PDE4D: variants seen among roughly 807,000 people sequenced by gnomAD.
PDE4D encodes phosphodiesterase 4D.
A neutral mutation model predicts 87.4 loss-of-function variants in PDE4D; 24 were observed. That is an observed-to-expected ratio of 0.27 (90% CI 0.20 to 0.39). PDE4D has a LOEUF of 0.39. PDE4D is among the 10% of genes least tolerant of loss of function. The probability of loss-of-function intolerance (pLI) is 1.00; values close to 1 mark genes in which losing one functional copy is unlikely to be tolerated. For missense variants in PDE4D, 714 were observed against 1,041.0 expected (o/e 0.69, Z 4.32); for synonymous variants, 384 against 383.2 (o/e 1.00, Z -0.02).
At chr5:60,369,741 A>C (rs1046139360) in intron 1 of PDE4D, among the ~76,000 whole-genome samples, 8 of 152,216 alleles carry the variant, frequency 5.3e-5, no homozygotes, top group African/African-American at 1.9e-4. Context: ...GCCACACCCC[A>C]GAACAAGGCA....
At chr5:59,350,955 A>G (rs745671008) in intron 1 of PDE4D, among the ~76,000 whole-genome samples, 1 of 152,180 alleles carries the variant, frequency 6.6e-6, no homozygotes, top group Non-Finnish European at 1.5e-5. Flanking sequence ...AGTTGCTTAT[A>G]AGGTAACCAT....
At chr5:59,284,075 A>G (rs1766386688) in intron 1 of PDE4D, among the ~76,000 whole-genome samples, 2 of 152,298 alleles carry the variant, frequency 1.3e-5, no homozygotes, top group South Asian at 4.1e-4. Context: ...GATCACTTTC[A>G]GATCTTTGCA....
intron 1 of PDE4D, among the ~76,000 whole-genome samples, chr5:59,872,939 G>C (rs890055639): frequency 6.6e-6 from 1 of 151,950 alleles, no homozygotes; most frequent in African/African-American, 2.4e-5. Flanking sequence ...TAGATACAAC[G>C]AAACAATTAG....
At chr5:59,602,069 A>G (rs1827587546) in intron 1 of PDE4D, among the ~76,000 whole-genome samples, 1 of 152,110 alleles carries the variant, frequency 6.6e-6, no homozygotes, top group Non-Finnish European at 1.5e-5. Context: ...AAGACTGTTC[A>G]CCATGATCAA....
intron 3 of PDE4D, among the ~76,000 whole-genome samples, chr5:59,933,732 T>G (rs1581797510): frequency 6.6e-6 from 1 of 151,180 alleles, no homozygotes; most frequent in East Asian, 2.0e-4. Flanking sequence ...AGCTATATGA[T>G]TCTTCCCTTA....
At chr5:59,506,502 T>C (rs985656801) in intron 1 of PDE4D, among the ~76,000 whole-genome samples, 2 of 152,096 alleles carry the variant, frequency 1.3e-5, no homozygotes, top group Non-Finnish European at 2.9e-5. Context: ...CAAAGACAGG[T>C]TGGACAAATT....
chr5:59,477,591 G>A (rs1041496320), intron 1 of PDE4D, among the ~76,000 whole-genome samples: 3 of 151,920 alleles, frequency 2.0e-5, no homozygotes, highest in Admixed American at 6.6e-5. Flanking sequence ...CTGCTTATAC[G>A]CTGTTGGTGG....
chr5:60,372,146 T>TCAGTCC (rs879309170), intron 1 of PDE4D, among the ~76,000 whole-genome samples: 7,418 of 152,206 alleles, frequency 0.049, 246 homozygotes, highest in Non-Finnish European at 0.07. Context: ...GTCAGTCTTT[T>TCAGTCC]TTATTTTAGC....
chr5:59,909,847 T>G (rs1157089684), intron 3 of PDE4D, among the ~76,000 whole-genome samples: 1 of 152,180 alleles, frequency 6.6e-6, no homozygotes, highest in East Asian at 1.9e-4. Flanking sequence ...ATTCTCAGGA[T>G]AAAATCCCAA....
intron 2 of PDE4D, among the ~76,000 whole-genome samples, chr5:60,156,537 T>C (rs753068380): frequency 1.9e-4 from 29 of 152,206 alleles, no homozygotes; most frequent in Admixed American, 7.2e-4. Flanking sequence ...CCATAGTCTA[T>C]TGTATAAAAC....
intron 1 of PDE4D, among the ~76,000 whole-genome samples, chr5:60,392,397 A>G (rs1583611647): frequency 6.6e-6 from 1 of 152,118 alleles, no homozygotes. Flanking sequence ...TTCTTCATTT[A>G]TTTGTCCTCA....
intron 1 of PDE4D, among the ~76,000 whole-genome samples, chr5:60,429,113 A>G (rs943043665): frequency 5.9e-5 from 9 of 152,208 alleles, no homozygotes; most frequent in African/African-American, 1.9e-4. Context: ...ATAAGATTTC[A>G]GAGGAGATTC....
intron 2 of PDE4D, among the ~76,000 whole-genome samples, chr5:59,994,712 C>G (rs750780249): frequency 1.3e-5 from 2 of 152,090 alleles, no homozygotes; most frequent in Non-Finnish European, 2.9e-5. Flanking sequence ...GAGACACTTG[C>G]CAATCAGAAA....
chr5:59,516,122 T>G (rs1220483926), intron 1 of PDE4D, among the ~76,000 whole-genome samples: 1 of 152,102 alleles, frequency 6.6e-6, no homozygotes, highest in East Asian at 1.9e-4. Context: ...TTACTAGATG[T>G]AAAATAATTA....
chr5:59,968,138 C>G (rs1162384229), intron 3 of PDE4D, among the ~76,000 whole-genome samples: 1 of 151,900 alleles, frequency 6.6e-6, no homozygotes, highest in East Asian at 1.9e-4. Flanking sequence ...GCATGCGCCA[C>G]CACGCCTGGC....
chr5:59,903,608 T>C (rs1327182604), intron 3 of PDE4D, among the ~76,000 whole-genome samples: 6 of 152,174 alleles, frequency 3.9e-5, no homozygotes, highest in Admixed American at 6.5e-5. Context: ...CTACTACTTA[T>C]TGGGTTTACT....
chr5:59,072,018 C>T (rs888691954), intron 5 of PDE4D, among the ~76,000 whole-genome samples: 7 of 152,132 alleles, frequency 4.6e-5, no homozygotes, highest in African/African-American at 1.7e-4. Flanking sequence ...TGGTCTTTTT[C>T]CATTTGTTTT....
At chr5:60,453,447 A>C (rs1746243387) in intron 1 of PDE4D, among the ~76,000 whole-genome samples, 1 of 152,150 alleles carries the variant, frequency 6.6e-6, no homozygotes, top group African/African-American at 2.4e-5. Flanking sequence ...ACAACCAAAA[A>C]GAGATCATAA....
chr5:59,947,477 C>CA (rs1195797107), intron 3 of PDE4D, among the ~76,000 whole-genome samples: 1 of 152,106 alleles, frequency 6.6e-6, no homozygotes, highest in Non-Finnish European at 1.5e-5. Context: ...TTTGTGAGGA[C>CA]AAACCAGTCC....
Sources: gnomAD v4.1 joint callset for allele counts (sites outside exome capture counted in the v4.1 genomes callset) on GRCh38, gnomAD v4.1.1 for gene constraint, MANE v1.5 for transcripts, NCBI Gene and HGNC (gene_info 2026-07-23, HGNC 2026-07-21) for gene names.